The following SYCP1 variants were observed in gnomAD, a reference collection of about 807,000 sequenced individuals.
SYCP1 encodes synaptonemal complex protein 1, also known as cancer/testis antigen 8.
SYCP1 carries 64 observed loss-of-function variants against 153.1 expected under a neutral mutation model. That is an observed-to-expected ratio of 0.42 (90% CI 0.34 to 0.51). The LOEUF is 0.51. Ranked by LOEUF, SYCP1 falls within the 20% of genes least tolerant of loss-of-function variation. The probability of loss-of-function intolerance (pLI) is 0.06; values close to 1 mark genes in which losing one functional copy is unlikely to be tolerated. For synonymous variants in SYCP1, 384 were observed against 341.8 expected, an observed-to-expected ratio of 1.12 and a Z score of -1.36; for missense variants, 997 against 1,049.0, an observed-to-expected ratio of 0.95 and a Z score of 0.68.
intron 27 of SYCP1, among the ~76,000 whole-genome samples, chr1:114,951,568 G>A (rs1671107421): frequency 6.6e-6 from 1 of 152,222 alleles, no homozygotes. Context: ...AGGTGCCAGT[G>A]TAGTTTCTTT....
intron 22 of SYCP1, 78 bp downstream of exon 22, chr1:114,926,418 C>A: frequency 6.8e-7 from 1 of 1,470,922 alleles, no homozygotes; most frequent in Non-Finnish European, 9.1e-7. Context: ...CTTTCCCTTC[C>A]TTTAGTAATT....
At chr1:114,886,557 G>A (rs1328673115) in intron 14 of SYCP1, among the ~76,000 whole-genome samples, 1 of 152,014 alleles carries the variant, frequency 6.6e-6, no homozygotes, top group African/African-American at 2.4e-5. Flanking sequence ...ATAGAATTTA[G>A]TTATATACAT....
intron 3 of SYCP1, 87 bp from the exon 4 acceptor site, chr1:114,857,136 CAAAAAAAAA>C (rs71582509): frequency 6.5e-5 from 16 of 245,188 alleles, no homozygotes; most frequent in Admixed American, 3.3e-4. Context: ...CTCTCTCTCT[CAAAAAAAAA>C]AAAAAAAAAA....
intron 30 of SYCP1, among the ~76,000 whole-genome samples, chr1:114,993,053 G>A (rs1047688637): frequency 3.3e-5 from 5 of 151,446 alleles, no homozygotes; most frequent in Non-Finnish European, 3.0e-5. Context: ...GAGTCATGAG[G>A]ACAGATGATA....
chr1:114,946,786 C>G (rs905533792), intron 26 of SYCP1, among the ~76,000 whole-genome samples: 1 of 152,130 alleles, frequency 6.6e-6, no homozygotes, highest in African/African-American at 2.4e-5. Context: ...GTCCCCCAGG[C>G]TGGAGTGCAC....
intron 12 of SYCP1, 72 bp downstream of exon 12, chr1:114,878,274 A>G (rs1212567538): frequency 5.6e-6 from 6 of 1,067,622 alleles, no homozygotes; most frequent in Non-Finnish European, 8.3e-6. Flanking sequence ...ATTGACTTTC[A>G]TTACAAGTTT....
At chr1:114,902,441 G>C (rs1431327330) in intron 16 of SYCP1, among the ~76,000 whole-genome samples, 1 of 151,458 alleles carries the variant, frequency 6.6e-6, no homozygotes, top group Non-Finnish European at 1.5e-5. Context: ...GGTTTATTGG[G>C]TGAAAAGGAC....
At chr1:114,892,983 A>C (rs1666825116) in intron 15 of SYCP1, among the ~76,000 whole-genome samples, 1 of 151,996 alleles carries the variant, frequency 6.6e-6, no homozygotes, top group South Asian at 2.1e-4. Flanking sequence ...CCTTTGTGAG[A>C]TCTCTAGGCA....
chr1:114,945,655 T>C (rs1165479851), intron 25 of SYCP1, among the ~76,000 whole-genome samples: 2 of 152,156 alleles, frequency 1.3e-5, no homozygotes, highest in Admixed American at 6.5e-5. Context: ...ATAACTCACA[T>C]TTTCCCACCT....
chr1:114,946,437 T>C, intron 26 of SYCP1, 56 bp downstream of exon 26: 1 of 1,081,546 alleles, frequency 9.2e-7, no homozygotes, highest in Non-Finnish European at 1.3e-6. Flanking sequence ...CAGCAGTGAC[T>C]GGTGGTAAAG....
chr1:114,977,409 C>T (rs556192868), intron 27 of SYCP1, 148 bp from the exon 28 acceptor site: 32 of 492,860 alleles, frequency 6.5e-5, no homozygotes, highest in Non-Finnish European at 1.0e-4. Context: ...AAGGAACTAA[C>T]TTTTCTTTTT....
chr1:114,882,185 AAAACAAACAAAC>A lies in SYCP1; in HGVS notation c.911-3329_911-3318del, dbSNP rs371923005. On this transcript the variant is annotated intron_variant, in intron 12 of 31. Coordinates refer to ENST00000369522, the MANE Select transcript of SYCP1 (RefSeq NM_003176.4). The stretch of plus-strand genomic sequence containing the variant: ...GGGTGGCAGAGTGAGACCCTGTCTC[AAAACAAACAAAC>A]AAACAAACAAACAAACAAACCAAAC... Among the ~76,000 whole-genome samples, 1,181 of 151,700 alleles carry A rather than the reference AAAACAAACAAAC, an allele frequency of 7.8e-3. 17 individuals carry two copies. Among genetic ancestry groups the A allele is most frequent in the African/African-American group, 0.027 (1,118 of 41,250 alleles).
At chr1:114,914,115 A>T (rs1244791573) in intron 20 of SYCP1, 70 bp downstream of exon 20, 7 of 1,233,382 alleles carry the variant, frequency 5.7e-6, no homozygotes, top group Non-Finnish European at 7.8e-6. Flanking sequence ...TTAACTTGTT[A>T]TCATTAATTT....
chr1:114,897,610 C>T (rs1184021923), intron 16 of SYCP1, among the ~76,000 whole-genome samples: 1 of 152,130 alleles, frequency 6.6e-6, no homozygotes, highest in Non-Finnish European at 1.5e-5. Flanking sequence ...GGGAATCTCC[C>T]ATAGTACAGA....
At chr1:114,879,332 G>A (rs544004265) in intron 12 of SYCP1, among the ~76,000 whole-genome samples, 2 of 152,176 alleles carry the variant, frequency 1.3e-5, no homozygotes, top group African/African-American at 4.8e-5. Context: ...TCTGGTTTCT[G>A]CCAATCTATA....
Position 114,856,669 on chromosome 1 carries a change from G to A in SYCP1, c.193+12G>A, listed in dbSNP as rs776017902. The A allele has an allele frequency of 1.3e-6, 2 of 1,591,994 alleles. No individual in the cohort carries two copies. The highest frequency in any genetic ancestry group is 1.7e-6 in the Non-Finnish European group (2 of 1,165,252). On this transcript the variant is annotated intron_variant, in intron 3 of 31. Transcript: ENST00000369522. Reference sequence around the variant, plus strand: ...AAACATTGATTCAGGTAGGAGCATGGAAAAGCAGTGTATCAGCTTATATAG... The same window carrying A: ...AAACATTGATTCAGGTAGGAGCATGAAAAAGCAGTGTATCAGCTTATATAG...
rs746030456 is a variant in SYCP1, at chr1:114,910,384, T to C, written c.1321-13T>C. On this transcript the variant is annotated splice_polypyrimidine_tract_variant and intron_variant, in intron 16 of 31. Transcript: ENST00000369522. ...TGGTTTGGCATTCCTGATTTGTTAA[T>C]GTTTATAAATAGGGAGAAAAGGAAA... 5.8e-6 allele frequency: 9 copies of C among 1,547,878 alleles called. No homozygotes were observed. Among genetic ancestry groups the C allele is most frequent in the Admixed American group, 1.8e-5 (1 of 56,264 alleles).
chr1:114,953,611 A>C (rs1671247061), intron 27 of SYCP1, among the ~76,000 whole-genome samples: 1 of 152,166 alleles, frequency 6.6e-6, no homozygotes, highest in Non-Finnish European at 1.5e-5. Context: ...CTAGTTAGGC[A>C]TGTTCTTATG....
At chr1:114,951,845 C>T (rs1343859476) in intron 27 of SYCP1, among the ~76,000 whole-genome samples, 1 of 150,724 alleles carries the variant, frequency 6.6e-6, no homozygotes, top group Non-Finnish European at 1.5e-5. Context: ...TTCTCCATTT[C>T]TATAATTTTG....
Sources: gnomAD v4.1 joint callset for allele counts (sites outside exome capture counted in the v4.1 genomes callset) on GRCh38, gnomAD v4.1.1 for gene constraint, MANE v1.5 for transcripts, NCBI Gene and HGNC (gene_info 2026-07-23, HGNC 2026-07-21) for gene names.